The following FUT8 variants were observed in gnomAD, a reference collection of about 807,000 sequenced individuals.
FUT8 encodes the protein alpha-(1,6)-fucosyltransferase.
Under a neutral mutation model 71.3 loss-of-function variants are expected in FUT8, and 29 were observed. The observed-to-expected ratio is 0.41, with a 90% CI of 0.30 to 0.55. FUT8 has a LOEUF of 0.55. Ranked by LOEUF, FUT8 falls within the 20% of genes least tolerant of loss-of-function variation. The probability of loss-of-function intolerance (pLI) is 0.34; values close to 1 mark genes in which losing one functional copy is unlikely to be tolerated. For synonymous variants in FUT8, 254 were observed against 239.3 expected (o/e 1.06, Z -0.57); for missense variants, 544 against 702.1 (o/e 0.77, Z 2.55).
the FUT8 span, among the ~76,000 whole-genome samples, chr14:65,402,196 A>ATTTT: frequency 1.3e-5 from 1 of 75,844 alleles, no homozygotes; most frequent in African/African-American, 5.1e-5. Flanking sequence ...ATGGAGTGTG[A>ATTTT]TTTTTTTTTT....
rs1156602686 is a variant in FUT8, at chr14:65,743,390, T to C, written c.*980T>C. On this transcript the variant is annotated 3_prime_UTR_variant, in exon 11 of 11. Coordinates refer to ENST00000673929, the MANE Select transcript of FUT8 (RefSeq NM_001371533.1). ...CTGTTTGGGAGCTTTCATTCTCATA[T>C]TTTGGACATTGTTTTAATTGAGTGA... 1 of 151,948 alleles carries C rather than the reference T, an allele frequency of 6.6e-6. No individual in the cohort carries two copies. Among genetic ancestry groups the C allele is most frequent in the African/African-American group, 2.4e-5 (1 of 41,410 alleles). 9.4% of individuals were successfully genotyped at this position (151,948 alleles called of 1,614,324 possible). A position where few individuals can be genotyped will look rare whatever the true frequency, so the allele number is the denominator to read the frequency against.
At chr14:65,565,041 G>A (rs1205811781) in intron 3 of FUT8, among the ~76,000 whole-genome samples, 2 of 151,972 alleles carry the variant, frequency 1.3e-5, no homozygotes, top group East Asian at 3.9e-4. Context: ...TTGAACAGCT[G>A]CATCTGGTGA....
intron 7 of FUT8, among the ~76,000 whole-genome samples, chr14:65,697,583 C>G (rs1011401561): frequency 7.2e-5 from 11 of 152,162 alleles, no homozygotes; most frequent in African/African-American, 2.7e-4. Flanking sequence ...TTCTCTGGAA[C>G]TGAAGAAAAG....
chr14:65,432,213 T>C (rs1446842775), intron 1 of FUT8, among the ~76,000 whole-genome samples: 1 of 152,182 alleles, frequency 6.6e-6, no homozygotes, highest in Non-Finnish European at 1.5e-5. Context: ...TAGATTCTTT[T>C]TCTTGAAATG....
At chr14:65,487,317 A>G (rs2066422726) in intron 2 of FUT8, among the ~76,000 whole-genome samples, 1 of 152,192 alleles carries the variant, frequency 6.6e-6, no homozygotes, top group African/African-American at 2.4e-5. Flanking sequence ...TAATCCCAGC[A>G]CTTTGGGAGG....
chr14:65,469,851 AG>A (rs898823344), intron 2 of FUT8, among the ~76,000 whole-genome samples: 1 of 152,108 alleles, frequency 6.6e-6, no homozygotes, highest in African/African-American at 2.4e-5. Flanking sequence ...GTGGGGAGGA[AG>A]TGTGTCAATT....
chr14:65,594,720 G>T (rs1329067351), intron 3 of FUT8, among the ~76,000 whole-genome samples: 1 of 152,088 alleles, frequency 6.6e-6, no homozygotes. Flanking sequence ...GAGCGGGAAG[G>T]GCAGGTTGCT....
chr14:65,639,537 C>T (rs1038523132), intron 6 of FUT8, among the ~76,000 whole-genome samples: 3 of 151,796 alleles, frequency 2.0e-5, no homozygotes, highest in Admixed American at 6.6e-5. Flanking sequence ...CACACACACA[C>T]ACTTTTGAAA....
the FUT8 span, among the ~76,000 whole-genome samples, chr14:65,378,378 T>C: frequency 2.6e-5 from 4 of 152,256 alleles, no homozygotes; most frequent in East Asian, 7.7e-4. Flanking sequence ...AAGCCAAATG[T>C]GTGGGTTCTA....
intron 3 of FUT8, among the ~76,000 whole-genome samples, chr14:65,577,161 C>A (rs913638989): frequency 6.6e-6 from 1 of 152,044 alleles, no homozygotes; most frequent in Non-Finnish European, 1.5e-5. Flanking sequence ...TACTATAAAT[C>A]TTTATAAGCT....
At chr14:65,637,665 T>G (rs1433247984) in intron 6 of FUT8, among the ~76,000 whole-genome samples, 1 of 152,066 alleles carries the variant, frequency 6.6e-6, no homozygotes, top group Admixed American at 6.5e-5. Context: ...CTAGCTCAGC[T>G]AGGTCTGAGT....
At chr14:65,611,819 C>G (rs757074056) in intron 3 of FUT8, among the ~76,000 whole-genome samples, 7 of 152,112 alleles carry the variant, frequency 4.6e-5, no homozygotes, top group Non-Finnish European at 1.0e-4. Context: ...TGCCACCATG[C>G]CTGGCTAATT....
At position 65,436,154 on chromosome 14, in the gene FUT8, C is replaced by G. The variant is rs578174120; in HGVS notation, c.-325-19467C>G. On this transcript the variant is annotated intron_variant, in intron 1 of 10. Coordinates refer to ENST00000673929, the MANE Select transcript of FUT8 (RefSeq NM_001371533.1). ...CTGTGTTGCCCAGGCTGTAAAATAT[C>G]TTTCTTGAGCTGGTCCTGATGGCAC... is the stretch of plus-strand genomic sequence containing the variant. Among the ~76,000 whole-genome samples the G allele has an allele frequency of 5.9e-5, 9 of 152,014 alleles. No homozygotes were observed. The South Asian group carries it at 1.9e-3, about 32-fold the overall frequency.
At chr14:65,625,394 T>C (rs1017846303) in intron 5 of FUT8, among the ~76,000 whole-genome samples, 1 of 152,208 alleles carries the variant, frequency 6.6e-6, no homozygotes, top group Non-Finnish European at 1.5e-5. Flanking sequence ...GTCTACATAA[T>C]AGTCCATAGA....
chr14:65,526,603 T>G (rs1190404695), intron 2 of FUT8, among the ~76,000 whole-genome samples: 1 of 152,224 alleles, frequency 6.6e-6, no homozygotes, highest in East Asian at 1.9e-4. Flanking sequence ...GATCCTGTCA[T>G]TATGATGTTA....
At chr14:65,685,876 C>A (rs1388789352) in intron 7 of FUT8, among the ~76,000 whole-genome samples, 1 of 152,200 alleles carries the variant, frequency 6.6e-6, no homozygotes, top group Non-Finnish European at 1.5e-5. Context: ...TCACTTTCCT[C>A]ACCATCTTGG....
At chr14:65,433,912 C>T (rs1335240282) in intron 1 of FUT8, among the ~76,000 whole-genome samples, 1 of 152,072 alleles carries the variant, frequency 6.6e-6, no homozygotes, top group East Asian at 1.9e-4. Flanking sequence ...CGTCCTCCTG[C>T]TTCAGCCTCC....
At chr14:65,692,784 C>A (rs574672346) in intron 7 of FUT8, among the ~76,000 whole-genome samples, 1 of 150,426 alleles carries the variant, frequency 6.6e-6, no homozygotes, top group African/African-American at 2.5e-5. Flanking sequence ...CTCCTCACTT[C>A]TCAGAGGGGG....
At chr14:65,475,109 C>G (rs1033450805) in intron 2 of FUT8, among the ~76,000 whole-genome samples, 4 of 152,142 alleles carry the variant, frequency 2.6e-5, no homozygotes, top group Non-Finnish European at 2.9e-5. Flanking sequence ...CAGTCTTTCC[C>G]CCAATCTTGT....
Sources: gnomAD v4.1 joint callset for allele counts (sites outside exome capture counted in the v4.1 genomes callset) on GRCh38, gnomAD v4.1.1 for gene constraint, MANE v1.5 for transcripts, NCBI Gene and HGNC (gene_info 2026-07-23, HGNC 2026-07-21) for gene names.